The following GNA13 variants were observed in gnomAD, a reference collection of about 807,000 sequenced individuals.
GNA13 encodes guanine nucleotide-binding protein subunit alpha-13.
Under a neutral mutation model 33.5 loss-of-function variants are expected in GNA13, and 4 were observed. That is an observed-to-expected ratio of 0.12 (90% CI 0.06 to 0.27). GNA13 has a LOEUF of 0.27. Ranked by LOEUF, GNA13 falls within the 10% of genes least tolerant of loss-of-function variation. GNA13 has a pLI of 1.00. For synonymous variants in GNA13, 176 were observed against 183.8 expected (o/e 0.96, Z 0.34); for missense variants, 319 against 487.2 (o/e 0.65, Z 3.25).
intron 1 of GNA13, 125 bp downstream of exon 1, chr17:65,056,186 A>AGCCC (rs1908048106): frequency 7.4e-6 from 5 of 680,206 alleles, no homozygotes; most frequent in Non-Finnish European, 1.0e-5. Context: ...CCTTCCCGCC[A>AGCCC]GCCCGCCCGC....
At chr17:65,050,948 G>A (rs1907838594) in intron 2 of GNA13, among the ~76,000 whole-genome samples, 1 of 152,074 alleles carries the variant, frequency 6.6e-6, no homozygotes. Flanking sequence ...CAACAAGCAG[G>A]TCCTCATCCT....
intron 2 of GNA13, among the ~76,000 whole-genome samples, chr17:65,042,357 CAAAAAAAAA>C (rs369887415): frequency 4.8e-5 from 3 of 62,246 alleles, no homozygotes; most frequent in Non-Finnish European, 7.3e-5. Flanking sequence ...AACTCCGTCT[CAAAAAAAAA>C]AAAAAAAAGA....
chr17:65,055,618 G>T (rs1908019099), intron 1 of GNA13: 2 of 985,390 alleles, frequency 2.0e-6, no homozygotes, highest in Non-Finnish European at 2.4e-6. Context: ...GGGCGAAAAA[G>T]CACAGATGCT....
At chr17:65,050,520 G>A (rs1383148151) in intron 2 of GNA13, among the ~76,000 whole-genome samples, 1 of 152,198 alleles carries the variant, frequency 6.6e-6, no homozygotes, top group African/African-American at 2.4e-5. Context: ...CTTGAGGTCA[G>A]GAGTCCAAGA....
chr17:65,026,330 A>G (rs1906783548), intron 2 of GNA13, among the ~76,000 whole-genome samples: 1 of 152,194 alleles, frequency 6.6e-6, no homozygotes, highest in Non-Finnish European at 1.5e-5. Context: ...CATAATTGAC[A>G]AATACAATTT....
At chr17:65,022,298 C>T (rs1906609558) in intron 2 of GNA13, among the ~76,000 whole-genome samples, 1 of 151,890 alleles carries the variant, frequency 6.6e-6, no homozygotes, top group Admixed American at 6.6e-5. Flanking sequence ...GTGTGTTGCA[C>T]TCTCATGACT....
intron 2 of GNA13, among the ~76,000 whole-genome samples, chr17:65,035,714 CAT>C (rs1388249562): frequency 6.6e-6 from 1 of 151,532 alleles, no homozygotes; most frequent in Non-Finnish European, 1.5e-5. Flanking sequence ...AAGGGCCAAT[CAT>C]ATATAATCCC....
At position 65,014,111 on chromosome 17, in the gene GNA13, G is replaced by A. The variant is rs112108969; in HGVS notation, c.*146C>T. On this transcript the variant is annotated 3_prime_UTR_variant, in exon 4 of 4. Transcript: ENST00000439174. This position sits in a 1 kb window ranked among gnomAD's most constrained non-coding sequence, Gnocchi z 5.3. ...AGCTTTCAGCCACAAACCAAAGGCC[G>A]CAGAAAAAGTACTAAGATTTTCAAG... The A allele has an allele frequency of 6.3e-5, 38 of 602,146 alleles. No homozygotes were observed. The highest frequency in any genetic ancestry group is 5.6e-4 in the African/African-American group (30 of 53,960). 37.3% of individuals were successfully genotyped at this position (602,146 alleles called of 1,614,324 possible).
chr17:65,030,618 GAATTT>G (rs1019217738), intron 2 of GNA13, among the ~76,000 whole-genome samples: 4 of 152,190 alleles, frequency 2.6e-5, no homozygotes, highest in African/African-American at 9.7e-5. Flanking sequence ...AAAATGTCCA[GAATTT>G]AATTGCAGGC....
At chr17:65,023,441 A>G (rs575145371) in intron 2 of GNA13, among the ~76,000 whole-genome samples, 1 of 152,300 alleles carries the variant, frequency 6.6e-6, no homozygotes, top group East Asian at 1.9e-4. Context: ...ACAGGGATGG[A>G]ACTGATTTCT....
chr17:65,056,249 G>GCCCCCCCCGCCCCCCCCCC, intron 1 of GNA13, 62 bp downstream of exon 1: 1 of 774,828 alleles, frequency 1.3e-6, no homozygotes, highest in Non-Finnish European at 2.0e-6. Context: ...GCCCCGCCCC[G>GCCCCCCCCGCCCCCCCCCC]CACCCGCCGC....
intron 2 of GNA13, among the ~76,000 whole-genome samples, chr17:65,040,154 G>C (rs963305942): frequency 6.6e-6 from 1 of 151,288 alleles, no homozygotes; most frequent in Non-Finnish European, 1.5e-5. Context: ...GGGAACCTTG[G>C]TTCTCTTACT....
intron 2 of GNA13, among the ~76,000 whole-genome samples, chr17:65,019,745 T>TG (rs1335496256): frequency 6.6e-6 from 1 of 152,200 alleles, no homozygotes; most frequent in African/African-American, 2.4e-5. Context: ...TGAATGAATA[T>TG]GGACCAGTAT....
intron 2 of GNA13, among the ~76,000 whole-genome samples, chr17:65,037,777 G>GAAAAA (rs145051963): frequency 0.67 from 54,872 of 81,920 alleles, 23,836 homozygotes; most frequent in East Asian, 0.84. Flanking sequence ...CTACAAAAAT[G>GAAAAA]GAAAAAAAAA....
chr17:65,027,329 A>G lies in GNA13; in HGVS notation c.511-9026T>C, dbSNP rs371853348. On this transcript the variant is annotated intron_variant, in intron 2 of 3. Transcript: ENST00000439174. ...CCTCCCCCGCCTTTTTTTTTTTTTT[A>G]AAGAGATAGGTTTTCACTATGTTTC... Among the ~76,000 whole-genome samples the G allele has an allele frequency of 1.1e-4, 8 of 71,782 alleles. No individual in the cohort carries two copies. The East Asian group carries it at 4.7e-3, about 42-fold the overall frequency. The allele number at this position is 71,782 out of a possible 152,430, so 47.1% of individuals were successfully genotyped here.
At chr17:65,018,444 C>T in intron 2 of GNA13, 141 bp from the exon 3 acceptor site, 1 of 632,094 alleles carries the variant, frequency 1.6e-6, no homozygotes, top group Non-Finnish European at 2.9e-6. Flanking sequence ...GCTAACCTTC[C>T]TAAAAACATA....
intron 2 of GNA13, among the ~76,000 whole-genome samples, 168 bp from the exon 3 acceptor site, chr17:65,018,471 T>C (rs1372877135): frequency 2.0e-5 from 3 of 152,332 alleles, no homozygotes; most frequent in South Asian, 2.1e-4. Context: ...GTCTGCTCTG[T>C]CACAGACTGC....
intron 2 of GNA13, among the ~76,000 whole-genome samples, chr17:65,040,682 C>T (rs546407783): frequency 2.6e-5 from 4 of 151,948 alleles, no homozygotes; most frequent in African/African-American, 4.8e-5. Flanking sequence ...TTAGTAGAGA[C>T]GGGTTTCACC....
At chr17:65,027,581 C>T (rs1288720702) in intron 2 of GNA13, among the ~76,000 whole-genome samples, 1 of 152,144 alleles carries the variant, frequency 6.6e-6, no homozygotes, top group East Asian at 1.9e-4. Flanking sequence ...TCCTTTTCTA[C>T]AATGTATTGT....
Sources: allele counts gnomAD v4.1 joint callset (sites outside exome capture counted in the v4.1 genomes callset), GRCh38; gene constraint gnomAD v4.1.1; non-coding constraint Gnocchi (gnomAD v3.1); transcripts MANE v1.5; gene names NCBI Gene and HGNC (gene_info 2026-07-23, HGNC 2026-07-21).